The following LARP1 variants were observed in gnomAD, a reference collection of about 807,000 sequenced individuals.
The protein encoded by LARP1 is la-related protein 1.
LARP1 carries 36 observed loss-of-function variants against 122.7 expected under a neutral mutation model. That is an observed-to-expected ratio of 0.29 (90% CI 0.22 to 0.39). LARP1 has a LOEUF of 0.39. Among genes scored for constraint, LARP1 ranks in the 10% least tolerant of loss-of-function variants. The pLI is 1.00. For missense variants in LARP1, 1,040 were observed against 1,403.6 expected (o/e 0.74, Z 4.14); for synonymous variants, 539 against 528.7 (o/e 1.02, Z -0.27).
chr5:154,765,118 C>A (rs1035930961), intron 1 of LARP1, among the ~76,000 whole-genome samples: 1 of 152,068 alleles, frequency 6.6e-6, no homozygotes, highest in Non-Finnish European at 1.5e-5. Flanking sequence ...TCTCTAAGAC[C>A]GCACTTGATC....
chr5:154,742,759 G>T (rs1242153278), intron 1 of LARP1, among the ~76,000 whole-genome samples: 1 of 150,300 alleles, frequency 6.7e-6, no homozygotes, highest in Non-Finnish European at 1.5e-5. Context: ...AAAGAAAAAA[G>T]AAAAAAATAG....
At chr5:154,811,442 A>G (rs1759262124) in intron 17 of LARP1, 71 bp from the exon 18 acceptor site, 1 of 1,612,044 alleles carries the variant, frequency 6.2e-7, no homozygotes, top group Non-Finnish European at 8.5e-7. Flanking sequence ...TGTGTATTAC[A>G]CAACACCTCC....
intron 1 of LARP1, among the ~76,000 whole-genome samples, chr5:154,779,021 C>T (rs1279555493): frequency 4.0e-5 from 6 of 150,512 alleles, no homozygotes; most frequent in Non-Finnish European, 1.5e-5. Flanking sequence ...CATATTCTCT[C>T]CCCGCTTACC....
At chr5:154,785,763 C>T (rs761040622) in intron 1 of LARP1, among the ~76,000 whole-genome samples, 2 of 152,136 alleles carry the variant, frequency 1.3e-5, no homozygotes, top group Non-Finnish European at 2.9e-5. Context: ...TCATTAACCA[C>T]TCCACTTTAC....
intron 1 of LARP1, among the ~76,000 whole-genome samples, chr5:154,756,955 C>T (rs1322491943): frequency 6.8e-6 from 1 of 147,720 alleles, no homozygotes; most frequent in African/African-American, 2.5e-5. Context: ...GGGCGTGTGG[C>T]GGCGGGGGAG....
At chr5:154,727,443 C>T (rs1252931931) in intron 1 of LARP1, among the ~76,000 whole-genome samples, 5 of 152,018 alleles carry the variant, frequency 3.3e-5, no homozygotes, top group African/African-American at 1.2e-4. Flanking sequence ...TAAATCATAT[C>T]CCATTAGAAC....
chr5:154,775,328 A>T (rs1755780244), intron 1 of LARP1, among the ~76,000 whole-genome samples: 1 of 151,986 alleles, frequency 6.6e-6, no homozygotes, highest in Non-Finnish European at 1.5e-5. Context: ...AAAAACAAGA[A>T]CTTCAAATAC....
At chr5:154,761,537 C>G (rs887264717) in intron 1 of LARP1, among the ~76,000 whole-genome samples, 1 of 152,184 alleles carries the variant, frequency 6.6e-6, no homozygotes, top group East Asian at 1.9e-4. Context: ...GATGGGAGTT[C>G]CCCTGTTTGC....
At chr5:154,722,565 A>G (rs572978297) in intron 1 of LARP1, among the ~76,000 whole-genome samples, 3 of 152,216 alleles carry the variant, frequency 2.0e-5, no homozygotes, top group African/African-American at 7.2e-5. Flanking sequence ...CCATTTCTAT[A>G]CTTACAGGAA....
At chr5:154,748,961 G>A (rs1186957477) in intron 1 of LARP1, among the ~76,000 whole-genome samples, 1 of 152,174 alleles carries the variant, frequency 6.6e-6, no homozygotes, top group Admixed American at 6.5e-5. Context: ...TCTATGTCTA[G>A]GGCCTAGCAG....
At chr5:154,796,084 ATATATATAT>A (rs1757796696) in intron 8 of LARP1, among the ~76,000 whole-genome samples, 1 of 100,568 alleles carries the variant, frequency 9.9e-6, no homozygotes, top group African/African-American at 4.8e-5. Flanking sequence ...TATATATATT[ATATATATAT>A]TTTATATATT....
intron 1 of LARP1, among the ~76,000 whole-genome samples, chr5:154,789,520 CACAA>C (rs1196573975): frequency 5.3e-5 from 8 of 152,252 alleles, no homozygotes; most frequent in African/African-American, 1.2e-4. Flanking sequence ...TGCGCCTGGC[CACAA>C]ACAAAGTTTT....
chr5:154,750,652 G>C (rs748411878), upstream of LARP1, among the ~76,000 whole-genome samples: 1 of 152,056 alleles, frequency 6.6e-6, no homozygotes, highest in Non-Finnish European at 1.5e-5. Flanking sequence ...TTGTTGCCCA[G>C]GCTAGGGTGC....
At chr5:154,686,534 A>G (rs1442062855) in intron 1 of LARP1, among the ~76,000 whole-genome samples, 1 of 152,248 alleles carries the variant, frequency 6.6e-6, no homozygotes, top group Non-Finnish European at 1.5e-5. Flanking sequence ...TCACATAAAG[A>G]TCCAGATTTT....
chr5:154,702,987 G>A (rs1754786247), intron 1 of LARP1, among the ~76,000 whole-genome samples: 1 of 152,038 alleles, frequency 6.6e-6, no homozygotes, highest in South Asian at 2.1e-4. Flanking sequence ...CGGGCGTGGT[G>A]GCGCGTGCCT....
exon 1 of LARP1, chr5:154,713,108 C>G: frequency 6.2e-7 from 1 of 1,613,798 alleles, no homozygotes; most frequent in Non-Finnish European, 8.5e-7. Context: ...CATTCCCTGT[C>G]CTGGCCCCCT....
At chr5:154,726,835 T>G (rs1044107550) in intron 1 of LARP1, among the ~76,000 whole-genome samples, 2 of 152,174 alleles carry the variant, frequency 1.3e-5, no homozygotes, top group Non-Finnish European at 2.9e-5. Context: ...ATGGCAGAAG[T>G]CACCTCCGTA....
chr5:154,811,365 C>T lies in LARP1; in HGVS notation c.2953+9C>T. 6.2e-7 allele frequency: 1 copy of T among 1,613,358 alleles called. No individual in the cohort carries two copies. The highest frequency in any genetic ancestry group is 8.5e-7 in the Non-Finnish European group (1 of 1,179,302). On this transcript the variant is annotated intron_variant, in intron 17 of 18. Coordinates refer to ENST00000518297, the MANE Select transcript of LARP1 (RefSeq NM_033551.3). ...GAAGGACTATGAAGCTGGTAAGAGCCAGAGTTGGATCTGAGTGAGGCCTGG... is the reference window on the plus strand; with the variant it reads ...GAAGGACTATGAAGCTGGTAAGAGCTAGAGTTGGATCTGAGTGAGGCCTGG...
At chr5:154,724,680 T>TTC (rs1237994808) in intron 1 of LARP1, among the ~76,000 whole-genome samples, 1 of 151,864 alleles carries the variant, frequency 6.6e-6, no homozygotes, top group Non-Finnish European at 1.5e-5. Flanking sequence ...TTTTTTTTTT[T>TTC]TTTAGGACAA....
Sources: allele counts gnomAD v4.1 joint callset (sites outside exome capture counted in the v4.1 genomes callset), GRCh38; gene constraint gnomAD v4.1.1; transcripts MANE v1.5; gene names NCBI Gene and HGNC (gene_info 2026-07-23, HGNC 2026-07-21).